The following ZCWPW2 variants were observed in gnomAD, a reference collection of about 807,000 sequenced individuals.
ZCWPW2 encodes zinc finger CW-type and PWWP domain containing 2, also known as zinc finger CW-type PWWP domain protein 2.
A neutral mutation model predicts 46.6 loss-of-function variants in ZCWPW2; 45 were observed. The observed-to-expected ratio is 0.96, with a 90% CI of 0.76 to 1.24. The LOEUF (loss-of-function observed/expected upper bound fraction) is 1.24. ZCWPW2 is among the 50% of genes most tolerant of loss of function. The pLI, the probability that ZCWPW2 is intolerant of heterozygous loss-of-function variation, is 0.00. For synonymous variants in ZCWPW2, 152 were observed against 137.1 expected, an observed-to-expected ratio of 1.11 and a Z score of -0.76; for missense variants, 429 against 403.9, an observed-to-expected ratio of 1.06 and a Z score of -0.53.
chr3:28,443,914 C>G (rs997504260), intron 4 of ZCWPW2, among the ~76,000 whole-genome samples: 1 of 151,902 alleles, frequency 6.6e-6, no homozygotes, highest in South Asian at 2.1e-4. Context: ...TCCCAATCTC[C>G]CTAAGCCTTT....
At chr3:28,385,031 A>T (rs544638657) in intron 1 of ZCWPW2, among the ~76,000 whole-genome samples, 1 of 152,332 alleles carries the variant, frequency 6.6e-6, no homozygotes, top group East Asian at 1.9e-4. Context: ...TGCTAGGTTA[A>T]GATTAAACTT....
chr3:28,511,840 T>C (rs577464944), intron 6 of ZCWPW2, among the ~76,000 whole-genome samples: 93 of 152,316 alleles, frequency 6.1e-4, no homozygotes, highest in African/African-American at 2.0e-3. Context: ...TTAATCTTCT[T>C]CCTCCAAAGT....
intron 8 of ZCWPW2, among the ~76,000 whole-genome samples, chr3:28,520,615 C>T (rs1171523962): frequency 1.3e-5 from 2 of 152,112 alleles, no homozygotes; most frequent in African/African-American, 4.8e-5. Context: ...GCTCCCAAAG[C>T]CTGAAATATT....
intron 5 of ZCWPW2, among the ~76,000 whole-genome samples, chr3:28,479,590 T>G (rs1699357804): frequency 6.6e-6 from 1 of 152,138 alleles, no homozygotes; most frequent in South Asian, 2.1e-4. Flanking sequence ...ACTTGTGTCA[T>G]GGAGATGTGT....
rs139279773 is a variant in ZCWPW2 at position 28,435,224 on chromosome 3, A to T, written c.447A>T (p.Ser149=). The T allele has an allele frequency of 6.2e-7, 1 of 1,613,432 alleles. No homozygotes were observed. Among genetic ancestry groups the T allele is most frequent in the East Asian group, 2.2e-5 (1 of 44,802 alleles). The change falls in exon 4 of 10, where the codon TCA becomes TCT. Residue 149 remains serine (S), a synonymous_variant. Coordinates refer to ENST00000383768, the MANE Select transcript of ZCWPW2 (RefSeq NM_001040432.4). The part of the protein sequence containing the change: ...IEFLGDPHSR[S]WIKATFVGHY... ...TCCTGGGCGATCCCCATTCAAGATC[A>T]TGGATAAAGGCAACATTCGTTGGAC...
At chr3:28,360,144 T>G (rs1704884504) in intron 1 of ZCWPW2, among the ~76,000 whole-genome samples, 2 of 151,542 alleles carry the variant, frequency 1.3e-5, no homozygotes, top group African/African-American at 4.9e-5. Flanking sequence ...TAATGTAGCT[T>G]GGTATAATTA....
At chr3:28,466,420 C>T (rs1246567382) in intron 4 of ZCWPW2, among the ~76,000 whole-genome samples, 4 of 152,242 alleles carry the variant, frequency 2.6e-5, no homozygotes, top group East Asian at 1.9e-4. Context: ...AGCAACAAAA[C>T]ATAAATAATA....
chr3:28,386,390 A>G (rs988938304), intron 1 of ZCWPW2, among the ~76,000 whole-genome samples: 1 of 152,150 alleles, frequency 6.6e-6, no homozygotes, highest in African/African-American at 2.4e-5. Flanking sequence ...GAACTCTAAG[A>G]AAATTAATAA....
At chr3:28,486,852 G>T (rs961947463) in intron 5 of ZCWPW2, among the ~76,000 whole-genome samples, 3 of 151,494 alleles carry the variant, frequency 2.0e-5, no homozygotes, top group Non-Finnish European at 4.4e-5. Flanking sequence ...AGTACAGAGT[G>T]AGACCCTATT....
intron 6 of ZCWPW2, among the ~76,000 whole-genome samples, chr3:28,501,301 A>G (rs1700135814): frequency 6.6e-6 from 1 of 152,168 alleles, no homozygotes; most frequent in Non-Finnish European, 1.5e-5. Flanking sequence ...TTAAAGCAGA[A>G]GAGACTTTCT....
intron 3 of ZCWPW2, 109 bp downstream of exon 3, chr3:28,413,509 G>C: frequency 5.2e-6 from 5 of 956,454 alleles, no homozygotes; most frequent in Non-Finnish European, 7.6e-6. Context: ...CTTGTTTCTT[G>C]ATTTATCATT....
chr3:28,506,093 A>G (rs952665694), intron 6 of ZCWPW2, among the ~76,000 whole-genome samples: 4 of 147,200 alleles, frequency 2.7e-5, no homozygotes, highest in African/African-American at 9.9e-5. Context: ...TATTATATAT[A>G]TAATATATAA....
intron 5 of ZCWPW2, among the ~76,000 whole-genome samples, chr3:28,481,198 A>AT (rs1417932916): frequency 1.3e-5 from 2 of 152,018 alleles, no homozygotes; most frequent in Admixed American, 6.6e-5. Flanking sequence ...GATATGACAC[A>AT]TTTTTAACTC....
intron 3 of ZCWPW2, among the ~76,000 whole-genome samples, chr3:28,433,493 G>T (rs781299637): frequency 2.0e-5 from 3 of 152,162 alleles, no homozygotes; most frequent in Non-Finnish European, 4.4e-5. Context: ...CAGGCTGGGT[G>T]CAGTGGCTCA....
intron 5 of ZCWPW2, among the ~76,000 whole-genome samples, chr3:28,484,299 G>T (rs1462697507): frequency 6.6e-6 from 1 of 152,000 alleles, no homozygotes; most frequent in South Asian, 2.1e-4. Flanking sequence ...TGCATTGAAT[G>T]AGTTAGGAAG....
intron 4 of ZCWPW2, among the ~76,000 whole-genome samples, chr3:28,454,521 G>C (rs796224050): frequency 7.9e-5 from 12 of 152,246 alleles, no homozygotes; most frequent in African/African-American, 2.6e-4. Flanking sequence ...TGTAGGATGT[G>C]CACGTTTGTT....
chr3:28,390,682 G>A lies in ZCWPW2; in HGVS notation c.-14+65G>A, dbSNP rs537506852. The A allele has an allele frequency of 1.1e-4, 103 of 968,112 alleles. No individual in the cohort carries two copies. The African/African-American group carries it at 1.7e-3, about 16-fold the overall frequency. The allele number at this position is 968,112 out of a possible 1,614,324, so 60.0% of individuals were successfully genotyped here. On this transcript the variant is annotated intron_variant, in intron 2 of 9. Coordinates refer to ENST00000383768, the MANE Select transcript of ZCWPW2 (RefSeq NM_001040432.4). ...CATAAGCATTTTTATTCCCATCACT[G>A]TTCTCTATTGCATATATGCAATTTT...
rs1700831760 is a variant in ZCWPW2, at chr3:28,525,752, C to T, written c.*1064C>T. Among the ~76,000 whole-genome samples, 4 of 152,122 alleles carry T rather than the reference C, an allele frequency of 2.6e-5. No individual in the cohort carries two copies. The highest frequency in any genetic ancestry group is 6.6e-5 in the Admixed American group (1 of 15,258). On this transcript the variant is annotated 3_prime_UTR_variant, in exon 10 of 10. Coordinates refer to ENST00000383768, the MANE Select transcript of ZCWPW2 (RefSeq NM_001040432.4). ...GTATTTTTAGATTCTATGATAATTA[C>T]GTAGAGTGGAGAGTGGAGATAGACT...
At chr3:28,482,005 C>T (rs964468729) in intron 5 of ZCWPW2, among the ~76,000 whole-genome samples, 1 of 152,120 alleles carries the variant, frequency 6.6e-6, no homozygotes, top group Non-Finnish European at 1.5e-5. Context: ...CATTGTCACC[C>T]AAAGTCCTTA....
Sources: allele counts gnomAD v4.1 joint callset (sites outside exome capture counted in the v4.1 genomes callset), GRCh38; gene constraint gnomAD v4.1.1; transcripts MANE v1.5; gene names NCBI Gene and HGNC (gene_info 2026-07-23, HGNC 2026-07-21).